DOCK10: variants seen among roughly 807,000 people sequenced by gnomAD.
DOCK10 encodes the protein dedicator of cytokinesis 10, also known as dedicator of cytokinesis protein 10.
A neutral mutation model predicts 280.1 loss-of-function variants in DOCK10; 145 were observed. The observed-to-expected ratio is 0.52, with a 90% CI of 0.45 to 0.59. DOCK10 has a LOEUF of 0.59. DOCK10 is among the 20% of genes least tolerant of loss of function. DOCK10 has a pLI of 0.00. For synonymous variants in DOCK10, 915 were observed against 942.2 expected (o/e 0.97, Z 0.53); for missense variants, 2,368 against 2,651.7 (o/e 0.89, Z 2.35).
chr2:224,891,514 G>A (rs1395256338), intron 4 of DOCK10, among the ~76,000 whole-genome samples: 4 of 152,082 alleles, frequency 2.6e-5, no homozygotes, highest in Non-Finnish European at 4.4e-5. Flanking sequence ...CATATTTAAC[G>A]CTATATTACA....
chr2:224,801,457 C>G (rs2125177779), intron 40 of DOCK10, among the ~76,000 whole-genome samples: 2 of 152,148 alleles, frequency 1.3e-5, no homozygotes, highest in Middle Eastern at 6.8e-3. Flanking sequence ...AGAATTTGGG[C>G]AAGAGAAGAG....
At chr2:224,995,871 G>T (rs1040589117) in intron 1 of DOCK10, among the ~76,000 whole-genome samples, 1 of 152,134 alleles carries the variant, frequency 6.6e-6, no homozygotes, top group African/African-American at 2.4e-5. Context: ...ATGTAAAAAT[G>T]ATACTATGGA....
chr2:224,770,780 A>T lies in DOCK10; in HGVS notation c.6205-135T>A. 1 of 638,932 alleles carries T rather than the reference A, an allele frequency of 1.6e-6. No individual in the cohort carries two copies. 39.6% of individuals were successfully genotyped at this position (638,932 alleles called of 1,614,324 possible). ...CCTGCCTTCTAGTCCACTCATTTGT[A>T]TACCTGACTTAGCTGCTGTCCTCCA... On this transcript the variant is annotated intron_variant, in intron 53 of 55. Transcript: ENST00000258390. The surrounding 1 kb of genome is among the most constrained non-coding windows in gnomAD (Gnocchi z 4.5).
intron 39 of DOCK10, among the ~76,000 whole-genome samples, chr2:224,803,168 A>ATC (rs1229380660): frequency 6.6e-6 from 1 of 152,126 alleles, no homozygotes; most frequent in Non-Finnish European, 1.5e-5. Flanking sequence ...GCAGCCTGAA[A>ATC]TCTAACCCAC....
chr2:224,854,854 G>GCCAACCAACCAA lies in DOCK10; in HGVS notation c.1888+97_1888+108dup, dbSNP rs72305904. On this transcript the variant is annotated intron_variant, in intron 16 of 55. Coordinates refer to ENST00000258390, the MANE Select transcript of DOCK10 (RefSeq NM_014689.3). ...CCAAAACCTTGTAACCAACCAACTA[G>GCCAACCAACCAA]CCAACCAACCAACCAACCAACCAAC... The GCCAACCAACCAA allele has an allele frequency of 4.0e-4, 250 of 631,100 alleles. No individual in the cohort carries two copies. In the African/African-American group the frequency reaches 4.5e-3, roughly 11 times the overall value. The allele number at this position is 631,100 out of a possible 1,614,324, so 39.1% of individuals were successfully genotyped here.
At chr2:224,983,995 G>T (rs1293867775) in intron 1 of DOCK10, among the ~76,000 whole-genome samples, 1 of 152,096 alleles carries the variant, frequency 6.6e-6, no homozygotes, top group Non-Finnish European at 1.5e-5. Flanking sequence ...TATATCTAAT[G>T]GTGTCCACTT....
chr2:224,935,507 C>T (rs894822570), intron 1 of DOCK10, among the ~76,000 whole-genome samples: 1 of 152,158 alleles, frequency 6.6e-6, no homozygotes, highest in Non-Finnish European at 1.5e-5. Flanking sequence ...AACATATACT[C>T]TAGTGCCAGA....
intron 2 of DOCK10, among the ~76,000 whole-genome samples, chr2:224,918,943 GAA>G (rs1701510607): frequency 6.9e-6 from 1 of 145,430 alleles, no homozygotes; most frequent in South Asian, 2.3e-4. Flanking sequence ...TGTGTGGTGT[GAA>G]TGTGTGTGGT....
intron 1 of DOCK10, among the ~76,000 whole-genome samples, chr2:225,028,710 CATA>C (rs1689991337): frequency 1.3e-5 from 2 of 152,190 alleles, no homozygotes; most frequent in Admixed American, 6.5e-5. Flanking sequence ...AGACTTTTGG[CATA>C]ATGTCAGCTT....
At chr2:224,871,758 A>G (rs1698303449) in intron 11 of DOCK10, among the ~76,000 whole-genome samples, 1 of 152,152 alleles carries the variant, frequency 6.6e-6, no homozygotes, top group African/African-American at 2.4e-5. Context: ...GTCTCTGTTC[A>G]AAATCACCTC....
chr2:224,864,305 C>T (rs370344678), intron 13 of DOCK10, among the ~76,000 whole-genome samples: 18 of 152,016 alleles, frequency 1.2e-4, no homozygotes, highest in African/African-American at 3.6e-4. Flanking sequence ...GTCAGGAGTT[C>T]GAGACCAGCC....
chr2:224,997,241 T>C (rs1706300204), intron 1 of DOCK10, among the ~76,000 whole-genome samples: 1 of 138,794 alleles, frequency 7.2e-6, no homozygotes, highest in East Asian at 2.5e-4. Context: ...CTTCCTTCCT[T>C]CTTCCTTTCT....
Position 225,018,531 on chromosome 2 carries a change from T to TAAGGTGGAGAGGTTCCTAGGCCTTTCC in DOCK10, c.123+23720_123+23721insGGAAAGGCCTAGGAACCTCTCCACCTT, listed in dbSNP as rs1553633096. 2.7e-3 allele frequency among the ~76,000 whole-genome samples: 105 copies of TAAGGTGGAGAGGTTCCTAGGCCTTTCC among 39,088 alleles called. 22 individuals carry two copies. Among genetic ancestry groups the TAAGGTGGAGAGGTTCCTAGGCCTTTCC allele is most frequent in the South Asian group, 3.8e-3 (4 of 1,054 alleles). The allele number at this position is 39,088 out of a possible 152,430, so 25.6% of individuals were successfully genotyped here. A position where few individuals can be genotyped will look rare whatever the true frequency, so the allele number is the denominator to read the frequency against. Reference sequence around the variant, plus strand: ...TGTAATATTATATATATATAATATATATGTAATATTATATATATATAATAT... The same window carrying TAAGGTGGAGAGGTTCCTAGGCCTTTCC: ...TGTAATATTATATATATATAATATATAAGGTGGAGAGGTTCCTAGGCCTTTCCATGTAATATTATATATATATAATAT... On this transcript the variant is annotated intron_variant, in intron 1 of 55. Coordinates refer to ENST00000258390, the MANE Select transcript of DOCK10 (RefSeq NM_014689.3).
At chr2:224,860,168 C>T (rs1013922953) in intron 14 of DOCK10, among the ~76,000 whole-genome samples, 8 of 152,146 alleles carry the variant, frequency 5.3e-5, no homozygotes, top group African/African-American at 1.9e-4. Context: ...TACTGTCAGC[C>T]TCCCTAGAGA....
chr2:224,974,302 C>T (rs553488506), intron 1 of DOCK10, among the ~76,000 whole-genome samples: 34 of 152,222 alleles, frequency 2.2e-4, no homozygotes, highest in Middle Eastern at 3.4e-3. Context: ...AACTAAAATA[C>T]GTTCCAGCAG....
chr2:224,961,796 C>T lies in DOCK10; in HGVS notation c.124-30128G>A, dbSNP rs534344104. Among the ~76,000 whole-genome samples, 175 of 152,260 alleles carry T rather than the reference C, an allele frequency of 1.1e-3. 1 individual carries two copies. Among genetic ancestry groups the T allele is most frequent in the South Asian group, 2.5e-3 (12 of 4,818 alleles). On this transcript the variant is annotated intron_variant, in intron 1 of 55. Coordinates refer to ENST00000258390, the MANE Select transcript of DOCK10 (RefSeq NM_014689.3). ...CTGGGATTACAAGTGTGAGCCACCA[C>T]GCCTGGCCACATAGCAGCATTTTCT...
intron 1 of DOCK10, among the ~76,000 whole-genome samples, chr2:225,038,104 CACAA>C (rs1690314614): frequency 6.6e-6 from 1 of 152,136 alleles, no homozygotes; most frequent in Non-Finnish European, 1.5e-5. Context: ...AAGCAAAAAA[CACAA>C]ACAAAATAAA....
At chr2:224,825,890 G>A (rs111753770) in intron 27 of DOCK10, among the ~76,000 whole-genome samples, 3 of 152,312 alleles carry the variant, frequency 2.0e-5, no homozygotes, top group Admixed American at 1.3e-4. Flanking sequence ...ACAGCATGGC[G>A]AGGTCAAGGG....
At chr2:224,798,576 A>G (rs1471688248) in intron 41 of DOCK10, among the ~76,000 whole-genome samples, 1 of 151,888 alleles carries the variant, frequency 6.6e-6, no homozygotes, top group Non-Finnish European at 1.5e-5. Flanking sequence ...CTTTCTTGGC[A>G]TAATTATGCT....
Sources: gnomAD v4.1 joint callset for allele counts (sites outside exome capture counted in the v4.1 genomes callset) on GRCh38, gnomAD v4.1.1 for gene constraint, Gnocchi (gnomAD v3.1) non-coding constraint, MANE v1.5 for transcripts, NCBI Gene and HGNC (gene_info 2026-07-23, HGNC 2026-07-21) for gene names.